ZFAT: variants seen among roughly 807,000 people sequenced by gnomAD.
ZFAT encodes zinc finger and AT-hook domain containing.
A neutral mutation model predicts 117.7 loss-of-function variants in ZFAT; 64 were observed. That is an observed-to-expected ratio of 0.54 (90% CI 0.44 to 0.67). The LOEUF (loss-of-function observed/expected upper bound fraction) is 0.67, where lower values mean the gene tolerates loss of function less well. ZFAT is among the 30% of genes least tolerant of loss of function. ZFAT has a pLI of 0.00. For synonymous variants in ZFAT, 679 were observed against 615.0 expected (o/e 1.10, Z -1.54); for missense variants, 1,433 against 1,584.5 (o/e 0.90, Z 1.62).
At chr8:134,658,085 C>G (rs966193566) in intron 1 of ZFAT, among the ~76,000 whole-genome samples, 2 of 152,208 alleles carry the variant, frequency 1.3e-5, no homozygotes, top group African/African-American at 4.8e-5. Context: ...CGCCTGTAAT[C>G]CCAGCACTTT....
chr8:134,825,176 T>C, the ZFAT span, among the ~76,000 whole-genome samples: 1 of 152,202 alleles, frequency 6.6e-6, no homozygotes, highest in Non-Finnish European at 1.5e-5. Context: ...GAGGTACATA[T>C]GCCTCTCTTA....
intron 15 of ZFAT, among the ~76,000 whole-genome samples, chr8:134,493,733 C>T (rs951361663): frequency 4.6e-5 from 7 of 152,184 alleles, no homozygotes; most frequent in Admixed American, 6.5e-5. Flanking sequence ...GAACGGTCTG[C>T]TGCCCCCTTC....
the ZFAT span, chr8:134,764,835 C>A: frequency 6.6e-6 from 1 of 152,204 alleles, no homozygotes; most frequent in South Asian, 2.1e-4. Flanking sequence ...TGGCAGCACC[C>A]ATCTGCTGTG....
At chr8:134,705,631 C>A (rs577625059) in intron 1 of ZFAT, among the ~76,000 whole-genome samples, 1 of 151,390 alleles carries the variant, frequency 6.6e-6, no homozygotes, top group Non-Finnish European at 1.5e-5. Context: ...CAGGTTCAAG[C>A]GATTCTCATG....
intron 13 of ZFAT, among the ~76,000 whole-genome samples, chr8:134,518,494 A>G (rs1820405235): frequency 6.6e-6 from 1 of 152,148 alleles, no homozygotes; most frequent in African/African-American, 2.4e-5. Context: ...ATCCAGGGCT[A>G]ATTTTAATGA....
intron 15 of ZFAT, among the ~76,000 whole-genome samples, chr8:134,483,408 T>A (rs899484779): frequency 4.6e-5 from 7 of 152,232 alleles, no homozygotes; most frequent in Admixed American, 1.3e-4. Context: ...ACAGCCACTA[T>A]CAGGATCCCA....
chr8:134,655,411 G>T (rs1831536676), intron 2 of ZFAT, among the ~76,000 whole-genome samples: 1 of 152,216 alleles, frequency 6.6e-6, no homozygotes, highest in African/African-American at 2.4e-5. Flanking sequence ...ATTCTGGGAG[G>T]CCTAGGTGGG....
At chr8:134,718,430 G>A in the ZFAT span, among the ~76,000 whole-genome samples, 2 of 152,138 alleles carry the variant, frequency 1.3e-5, no homozygotes, top group African/African-American at 2.4e-5. Flanking sequence ...CCCAGGAGGT[G>A]GAGGTTGCAG....
chr8:134,720,076 G>T, the ZFAT span, among the ~76,000 whole-genome samples: 1 of 152,220 alleles, frequency 6.6e-6, no homozygotes, highest in Non-Finnish European at 1.5e-5. Context: ...CAGCATCCAT[G>T]CTGTAAGGAA....
intron 1 of ZFAT, among the ~76,000 whole-genome samples, chr8:134,691,444 C>G (rs1554623048): frequency 6.6e-6 from 1 of 152,242 alleles, no homozygotes; most frequent in Non-Finnish European, 1.5e-5. Context: ...CATTCACACA[C>G]ATGTCCCCTA....
chr8:134,703,751 T>G (rs570437909), intron 1 of ZFAT, among the ~76,000 whole-genome samples: 1 of 152,214 alleles, frequency 6.6e-6, no homozygotes, highest in Non-Finnish European at 1.5e-5. Flanking sequence ...CCAGACCCTA[T>G]CTTATTCCCC....
At chr8:134,560,339 CAT>C (rs1823960237) in intron 11 of ZFAT, among the ~76,000 whole-genome samples, 1 of 152,118 alleles carries the variant, frequency 6.6e-6, no homozygotes. Context: ...ATGAACTCAA[CAT>C]ATAACAACTT....
the ZFAT span, among the ~76,000 whole-genome samples, chr8:134,829,341 G>A: frequency 7.9e-5 from 12 of 152,302 alleles, no homozygotes; most frequent in Non-Finnish European, 1.0e-4. Flanking sequence ...AACGTGGCCC[G>A]GGGAGGCCAA....
chr8:134,672,798 G>C (rs1164608016), intron 1 of ZFAT, among the ~76,000 whole-genome samples: 1 of 152,170 alleles, frequency 6.6e-6, no homozygotes, highest in Non-Finnish European at 1.5e-5. Flanking sequence ...TTCAGGAATG[G>C]AGGGGAAATC....
upstream of ZFAT, among the ~76,000 whole-genome samples, chr8:134,716,890 G>A (rs1181408945): frequency 6.6e-6 from 1 of 152,176 alleles, no homozygotes; most frequent in African/African-American, 2.4e-5. Flanking sequence ...TTGAAGTTCT[G>A]TATGTCTGTT....
chr8:134,654,394 T>C (rs1412159463), intron 2 of ZFAT, among the ~76,000 whole-genome samples: 4 of 152,134 alleles, frequency 2.6e-5, no homozygotes, highest in African/African-American at 9.7e-5. Flanking sequence ...ATTCGCCCAG[T>C]AGAAGCACCA....
chr8:134,677,237 C>T (rs200646545), intron 1 of ZFAT, among the ~76,000 whole-genome samples: 14 of 151,992 alleles, frequency 9.2e-5, no homozygotes, highest in African/African-American at 1.9e-4. Flanking sequence ...AACAAATAGA[C>T]GCAATAAAAA....
chr8:134,484,602 G>C (rs1049222378), intron 15 of ZFAT, among the ~76,000 whole-genome samples: 1 of 152,182 alleles, frequency 6.6e-6, no homozygotes, highest in Non-Finnish European at 1.5e-5. Flanking sequence ...GGGCCACACT[G>C]CTGGAAATAG....
At chr8:134,509,841 C>T (rs1006094828) in intron 14 of ZFAT, 92 bp from the exon 15 acceptor site, 100 of 1,488,070 alleles carry the variant, frequency 6.7e-5, no homozygotes, top group East Asian at 4.3e-4. Context: ...TCTCGGGTGA[C>T]GCCTTCTCCA....
Sources: allele counts gnomAD v4.1 joint callset (sites outside exome capture counted in the v4.1 genomes callset), GRCh38; gene constraint gnomAD v4.1.1; transcripts MANE v1.5; gene names NCBI Gene and HGNC (gene_info 2026-07-23, HGNC 2026-07-21).